Variants in PCDH15 observed in about 807,000 individuals in gnomAD.
PCDH15 encodes protocadherin-15.
A neutral mutation model predicts 178.5 loss-of-function variants in PCDH15; 129 were observed. The observed-to-expected ratio is 0.72, with a 90% confidence interval of 0.63 to 0.84. The LOEUF is 0.84. Ranked by LOEUF, PCDH15 falls within the 40% of genes least tolerant of loss-of-function variation. The pLI is 0.00. For synonymous variants in PCDH15, 800 were observed against 732.0 expected, an observed-to-expected ratio of 1.09 and a Z score of -1.50; for missense variants, 2,230 against 2,099.9, an observed-to-expected ratio of 1.06 and a Z score of -1.21.
At position 55,464,137 on chromosome 10, in the gene PCDH15, G is replaced by A. The variant is rs115522920; in HGVS notation, c.-156+163488C>T. On this transcript the variant is annotated intron_variant, in intron 2 of 5. Transcript: ENST00000613346. ...CAGAAGACTCTCCCTACCGGGAGTC[G>A]GATCAACCAATGTTGTTTTGTTTAA... Among the ~76,000 whole-genome samples the A allele has an allele frequency of 3.0e-3, 456 of 152,028 alleles. 10 individuals are homozygous for A. Among genetic ancestry groups the A allele is most frequent in the African/African-American group, 0.01 (418 of 41,458 alleles).
At chr10:54,263,007 G>A (rs1479680947) in intron 8 of PCDH15, among the ~76,000 whole-genome samples, 1 of 145,892 alleles carries the variant, frequency 6.9e-6, no homozygotes, top group African/African-American at 2.7e-5. Context: ...TGCACCCATT[G>A]TGGCACTGCC....
At chr10:55,300,950 C>T (rs1364866801) in intron 1 of PCDH15, among the ~76,000 whole-genome samples, 1 of 152,046 alleles carries the variant, frequency 6.6e-6, no homozygotes. Flanking sequence ...TCTCATGGTG[C>T]CCTTTTATAG....
chr10:55,412,744 C>A (rs1838370443), intron 2 of PCDH15, among the ~76,000 whole-genome samples: 2 of 151,622 alleles, frequency 1.3e-5, no homozygotes, highest in East Asian at 1.9e-4. Context: ...TATTAGAGAA[C>A]CAGAATAATA....
rs145939692 is a variant in PCDH15, at chr10:54,175,396, C to T, written c.1590+8048G>A. Among the ~76,000 whole-genome samples the T allele has an allele frequency of 1.5e-3, 233 of 152,172 alleles. 5 individuals are homozygous for T. Among genetic ancestry groups the T allele is most frequent in the Admixed American group, 0.014 (209 of 15,290 alleles). The stretch of plus-strand genomic sequence containing the variant: ...TTATGTACGTGTCCTCCACAGAGCA[C>T]TAAATAACACAGGACACTCAGAAGT... On this transcript the variant is annotated intron_variant, in intron 13 of 37. Transcript: ENST00000644397.
At chr10:53,950,089 G>A (rs1490794767) in intron 23 of PCDH15, among the ~76,000 whole-genome samples, 4 of 152,014 alleles carry the variant, frequency 2.6e-5, no homozygotes, top group African/African-American at 9.7e-5. Flanking sequence ...AACAGAGAAA[G>A]TGGTAAGATT....
intron 1 of PCDH15, among the ~76,000 whole-genome samples, chr10:55,301,572 G>C (rs529265169): frequency 6.6e-6 from 1 of 151,652 alleles, no homozygotes; most frequent in Admixed American, 6.6e-5. Flanking sequence ...TAACAGTATC[G>C]TTTGTACAGC....
At chr10:54,016,863 T>C (rs948366297) in intron 20 of PCDH15, among the ~76,000 whole-genome samples, 2 of 152,148 alleles carry the variant, frequency 1.3e-5, no homozygotes, top group Non-Finnish European at 2.9e-5. Flanking sequence ...AAACCACACA[T>C]GTATCTATGA....
intron 2 of PCDH15, among the ~76,000 whole-genome samples, chr10:55,111,532 T>TAAA (rs112529372): frequency 4.0e-5 from 6 of 148,372 alleles, no homozygotes; most frequent in African/African-American, 1.5e-4. Context: ...AGATACTATT[T>TAAA]AAAAAAAAAA....
chr10:55,524,581 T>C (rs1841261773), intron 2 of PCDH15, among the ~76,000 whole-genome samples: 2 of 151,676 alleles, frequency 1.3e-5, no homozygotes, highest in Admixed American at 6.6e-5. Flanking sequence ...TAAAATTGCA[T>C]ACATATCTTG....
intron 3 of PCDH15, among the ~76,000 whole-genome samples, chr10:54,390,394 G>A (rs747932043): frequency 2.0e-5 from 3 of 152,064 alleles, no homozygotes; most frequent in Non-Finnish European, 2.9e-5. Context: ...TGGGGTTCAC[G>A]CCATTCTTCT....
chr10:55,148,247 T>C (rs902624580), intron 2 of PCDH15, among the ~76,000 whole-genome samples: 30 of 151,860 alleles, frequency 2.0e-4, no homozygotes, highest in Non-Finnish European at 3.5e-4. Context: ...ACATTTTCGT[T>C]TGAGTTGAGG....
chr10:55,371,989 A>G (rs903256465), intron 2 of PCDH15, among the ~76,000 whole-genome samples: 1 of 152,144 alleles, frequency 6.6e-6, no homozygotes, highest in African/African-American at 2.4e-5. Flanking sequence ...GCATTGCTCA[A>G]CTTCAAACAG....
At chr10:54,603,879 A>T (rs1053232060) in intron 2 of PCDH15, among the ~76,000 whole-genome samples, 7 of 152,042 alleles carry the variant, frequency 4.6e-5, no homozygotes, top group Non-Finnish European at 1.0e-4. Flanking sequence ...CAGCTTTAGC[A>T]GTAGTGCATT....
At chr10:55,474,538 T>G (rs1449498854) in intron 2 of PCDH15, among the ~76,000 whole-genome samples, 1 of 152,224 alleles carries the variant, frequency 6.6e-6, no homozygotes, top group Non-Finnish European at 1.5e-5. Context: ...TCTCTGACTT[T>G]GCATACTCCA....
chr10:53,936,275 TG>T (rs982962748), intron 25 of PCDH15, among the ~76,000 whole-genome samples: 7 of 152,212 alleles, frequency 4.6e-5, no homozygotes, highest in Non-Finnish European at 7.4e-5. Flanking sequence ...CAATGTGAAC[TG>T]GATATGTTTA....
At chr10:55,110,644 TG>T (rs1160638193) in intron 2 of PCDH15, among the ~76,000 whole-genome samples, 1 of 148,072 alleles carries the variant, frequency 6.8e-6, no homozygotes, top group Non-Finnish European at 1.5e-5. Flanking sequence ...AAAATAACAA[TG>T]AAAAAAAAAA....
At chr10:54,323,589 T>C (rs1461563996) in intron 7 of PCDH15, among the ~76,000 whole-genome samples, 2 of 152,102 alleles carry the variant, frequency 1.3e-5, no homozygotes, top group African/African-American at 4.8e-5. Flanking sequence ...CTGGAGGCCA[T>C]AATCCTAAGT....
Position 54,159,527 on chromosome 10 carries a change from C to T in PCDH15, c.1591-6234G>A, listed in dbSNP as rs1395102404. On this transcript the variant is annotated intron_variant, in intron 13 of 37. Transcript: ENST00000644397. ...GATTAAAAATTACATATTTTAAATGCTAATTTATTTTGAAATTATGTCTTT... is the reference window on the plus strand; with the variant it reads ...GATTAAAAATTACATATTTTAAATGTTAATTTATTTTGAAATTATGTCTTT... 3.9e-5 allele frequency among the ~76,000 whole-genome samples: 6 copies of T among 152,154 alleles called. No individual in the cohort carries two copies. In the Middle Eastern group the frequency reaches 0.014, roughly 345 times the overall value.
chr10:55,297,402 A>G (rs1843160522), intron 1 of PCDH15, among the ~76,000 whole-genome samples: 1 of 152,158 alleles, frequency 6.6e-6, no homozygotes. Context: ...GAATTCACAG[A>G]ACCATGTCAC....
Sources: gnomAD v4.1 joint callset for allele counts (sites outside exome capture counted in the v4.1 genomes callset) on GRCh38, gnomAD v4.1.1 for gene constraint, MANE v1.5 for transcripts, NCBI Gene and HGNC (gene_info 2026-07-23, HGNC 2026-07-21) for gene names.